The following MCC variants were observed in gnomAD, a reference collection of about 807,000 sequenced individuals.
MCC encodes the protein MCC regulator of Wnt signaling pathway.
MCC carries 90 observed loss-of-function variants against 116.2 expected under a neutral mutation model. The observed-to-expected ratio is 0.77, with a 90% CI of 0.65 to 0.92. The LOEUF (loss-of-function observed/expected upper bound fraction) is 0.92, where lower values mean the gene tolerates loss of function less well. Among genes scored for constraint, MCC ranks in the 40% least tolerant of loss-of-function variants. The pLI, the probability that MCC is intolerant of heterozygous loss-of-function variation, is 0.00. For synonymous variants in MCC, 578 were observed against 510.5 expected, an observed-to-expected ratio of 1.13 and a Z score of -1.78; for missense variants, 1,516 against 1,312.2, an observed-to-expected ratio of 1.16 and a Z score of -2.40.
At chr5:113,203,836 A>T (rs1762796482) in intron 3 of MCC, among the ~76,000 whole-genome samples, 1 of 152,232 alleles carries the variant, frequency 6.6e-6, no homozygotes, top group Non-Finnish European at 1.5e-5. Context: ...AGCGCAAGGC[A>T]ACATGGCATT....
intron 1 of MCC, among the ~76,000 whole-genome samples, chr5:113,385,702 T>A (rs374153406): frequency 9.9e-5 from 15 of 152,232 alleles, no homozygotes; most frequent in African/African-American, 3.6e-4. Context: ...TTAGTACTTG[T>A]TTAAAACATC....
intron 1 of MCC, among the ~76,000 whole-genome samples, chr5:113,447,013 T>C (rs550520282): frequency 9.0e-4 from 137 of 152,330 alleles, no homozygotes; most frequent in Non-Finnish European, 1.4e-3. Context: ...TCCCCTCATC[T>C]TCCTTTCCTC....
chr5:113,190,868 T>C (rs1400290279), intron 3 of MCC, among the ~76,000 whole-genome samples: 2 of 152,134 alleles, frequency 1.3e-5, no homozygotes, highest in Non-Finnish European at 2.9e-5. Flanking sequence ...AAGTTTACCA[T>C]CTCTTGAACA....
intron 1 of MCC, among the ~76,000 whole-genome samples, chr5:113,412,326 G>A (rs1194499827): frequency 6.6e-6 from 1 of 152,198 alleles, no homozygotes; most frequent in African/African-American, 2.4e-5. Context: ...TTGGTAGCTT[G>A]ATGGGGATGG....
chr5:113,027,492 A>G lies in MCC; in HGVS notation c.2880-10T>C, dbSNP rs754000349. The G allele has an allele frequency of 9.9e-6, 16 of 1,613,618 alleles. 1 individual carries two copies. The highest frequency in any genetic ancestry group is 1.7e-4 in the Middle Eastern group (1 of 6,060). The stretch of plus-strand genomic sequence containing the variant: ...GGCAGCCACCAGGTTGCTAGGTGGG[A>G]ATGAAGGGAAATTGGTATTAAGATT... On this transcript the variant is annotated splice_polypyrimidine_tract_variant and intron_variant, in intron 18 of 18. Coordinates refer to ENST00000408903, the MANE Select transcript of MCC (RefSeq NM_001085377.2).
At chr5:113,234,255 T>C (rs1055614092) in intron 3 of MCC, among the ~76,000 whole-genome samples, 2 of 152,178 alleles carry the variant, frequency 1.3e-5, no homozygotes, top group African/African-American at 4.8e-5. Context: ...GAAAATTACC[T>C]TTAAATGCTC....
At chr5:113,157,572 T>C (rs1760243179) in intron 3 of MCC, among the ~76,000 whole-genome samples, 1 of 152,210 alleles carries the variant, frequency 6.6e-6, no homozygotes, top group African/African-American at 2.4e-5. Context: ...CCCGGCTTTG[T>C]TGGGAAGTGA....
chr5:113,481,071 C>A (rs1168509583), intron 1 of MCC, among the ~76,000 whole-genome samples: 3 of 152,178 alleles, frequency 2.0e-5, no homozygotes, highest in African/African-American at 7.2e-5. Flanking sequence ...GCCATTGCAG[C>A]TGGCCAAGAC....
chr5:113,118,689 T>C (rs1344451014), intron 6 of MCC, among the ~76,000 whole-genome samples: 1 of 152,258 alleles, frequency 6.6e-6, no homozygotes, highest in Non-Finnish European at 1.5e-5. Flanking sequence ...AAATGGCTAC[T>C]TTTAAATGAT....
chr5:113,196,012 G>A (rs950308455), intron 3 of MCC, among the ~76,000 whole-genome samples: 3 of 152,170 alleles, frequency 2.0e-5, no homozygotes, highest in Non-Finnish European at 2.9e-5. Flanking sequence ...AGTGCCAAAT[G>A]ACCTCATGCA....
At chr5:113,030,263 T>C (rs1750862939) in intron 17 of MCC, among the ~76,000 whole-genome samples, 1 of 152,178 alleles carries the variant, frequency 6.6e-6, no homozygotes, top group African/African-American at 2.4e-5. Context: ...ATACATCACT[T>C]ATATTTGGAT....
In MCC at chr5:113,254,063, T is replaced by C. The variant is rs112721104; in HGVS notation, c.627+86456A>G. Among the ~76,000 whole-genome samples, 191 of 152,232 alleles carry C rather than the reference T, an allele frequency of 1.3e-3. 1 individual carries two copies. Among genetic ancestry groups the C allele is most frequent in the African/African-American group, 4.5e-3 (187 of 41,538 alleles). On this transcript the variant is annotated intron_variant, in intron 3 of 18. Coordinates refer to ENST00000408903, the MANE Select transcript of MCC (RefSeq NM_001085377.2). The stretch of plus-strand genomic sequence containing the variant: ...GAGCAGAATAAAGGAAAAAAGATTC[T>C]CATAAAATGTCACAATATCTTGATA...
At chr5:113,335,925 A>G (rs970506708) in intron 3 of MCC, among the ~76,000 whole-genome samples, 1 of 151,790 alleles carries the variant, frequency 6.6e-6, no homozygotes, top group Non-Finnish European at 1.5e-5. Flanking sequence ...TTGTGCTGCT[A>G]TCACAGAATA....
chr5:113,052,806 G>C lies in MCC; in HGVS notation c.2448+919C>G, dbSNP rs538366072. On this transcript the variant is annotated intron_variant, in intron 15 of 18. Transcript: ENST00000408903. ...TCCCCTCCCCGGAGGTCAGGTGGCTGAAAGTCCCAATCCTCCAACACACGC... is the reference window on the plus strand; with the variant it reads ...TCCCCTCCCCGGAGGTCAGGTGGCTCAAAGTCCCAATCCTCCAACACACGC... Among the ~76,000 whole-genome samples the C allele has an allele frequency of 3.6e-4, 55 of 152,296 alleles. 1 individual carries two copies. In the South Asian group the frequency reaches 0.011, roughly 30 times the overall value.
chr5:113,159,126 T>G (rs992637010), intron 3 of MCC, among the ~76,000 whole-genome samples: 1 of 152,278 alleles, frequency 6.6e-6, no homozygotes, highest in South Asian at 2.1e-4. Context: ...TAAATGTGGG[T>G]GATTCTCTTT....
intron 1 of MCC, among the ~76,000 whole-genome samples, chr5:113,407,437 G>C (rs1212011592): frequency 3.3e-5 from 5 of 152,104 alleles, no homozygotes; most frequent in African/African-American, 7.2e-5. Flanking sequence ...CTCTACAACT[G>C]CATCTGCAAA....
intron 6 of MCC, among the ~76,000 whole-genome samples, chr5:113,118,988 T>C (rs1757567021): frequency 1.3e-5 from 2 of 152,304 alleles, no homozygotes; most frequent in South Asian, 4.1e-4. Flanking sequence ...CATTCTTCCA[T>C]GCTCCTCCCC....
intron 8 of MCC, among the ~76,000 whole-genome samples, chr5:113,085,891 T>C (rs527939567): frequency 1.3e-5 from 2 of 152,320 alleles, no homozygotes; most frequent in Admixed American, 6.5e-5. Context: ...AGTCTCGCTA[T>C]GTTGCCAGGG....
At chr5:113,458,377 T>A (rs1771641387) in intron 1 of MCC, among the ~76,000 whole-genome samples, 1 of 151,266 alleles carries the variant, frequency 6.6e-6, no homozygotes. Context: ...GCAGCTTCAC[T>A]CCTGAGCCAG....
Sources: allele counts gnomAD v4.1 joint callset (sites outside exome capture counted in the v4.1 genomes callset), GRCh38; gene constraint gnomAD v4.1.1; transcripts MANE v1.5; gene names NCBI Gene and HGNC (gene_info 2026-07-23, HGNC 2026-07-21).